CNTNAP3: variants seen among roughly 807,000 people sequenced by gnomAD.
CNTNAP3 encodes the protein contactin-associated protein-like 3.
Under a neutral mutation model 92.1 loss-of-function variants are expected in CNTNAP3, and 36 were observed. The ratio of observed to expected loss-of-function variants is 0.39; its 90% CI spans 0.30 to 0.52. The LOEUF is 0.52. Ranked by LOEUF, CNTNAP3 falls within the 20% of genes least tolerant of loss-of-function variation. CNTNAP3 has a pLI of 0.76. For synonymous variants in CNTNAP3, 232 were observed against 422.3 expected (o/e 0.55, Z 5.53); for missense variants, 534 against 1,069.6 (o/e 0.50, Z 6.98).
chr9:39,115,763 C>T (rs1374012289), intron 14 of CNTNAP3, among the ~76,000 whole-genome samples: 2 of 151,994 alleles, frequency 1.3e-5, no homozygotes, highest in East Asian at 3.8e-4. Context: ...AGTGACATGG[C>T]TAAGGGTATC....
intron 23 of CNTNAP3, among the ~76,000 whole-genome samples, chr9:39,077,066 C>G (rs554695700): frequency 1.3e-5 from 2 of 152,390 alleles, no homozygotes; most frequent in Non-Finnish European, 2.9e-5. Context: ...GTTTTCATTG[C>G]CAAAACATAT....
chr9:39,080,952 A>C lies in CNTNAP3; in HGVS notation c.3443-2032T>G, dbSNP rs1044668016. Reference sequence around the variant, plus strand: ...AGTGTCAGGATTACAGGCATGAGCCACTGCGCCCGGCCAGACTTCTCTTTA... The same window carrying C: ...AGTGTCAGGATTACAGGCATGAGCCCCTGCGCCCGGCCAGACTTCTCTTTA... On this transcript the variant is annotated intron_variant, in intron 21 of 23. Coordinates refer to ENST00000297668, the MANE Select transcript of CNTNAP3 (RefSeq NM_033655.5). 6.4e-5 allele frequency among the ~76,000 whole-genome samples: 9 copies of C among 141,502 alleles called. 1 individual carries two copies. The Middle Eastern group carries it at 0.014, about 225-fold the overall frequency. 92.8% of individuals were successfully genotyped at this position (141,502 alleles called of 152,430 possible).
chr9:39,116,464 TCACATTATCATACCAGA>T (rs1291355041), intron 14 of CNTNAP3, among the ~76,000 whole-genome samples: 1 of 152,114 alleles, frequency 6.6e-6, no homozygotes, highest in Non-Finnish European at 1.5e-5. Flanking sequence ...ACACACATCA[TCACATTATCATACCAGA>T]CACTTTAAAA....
rs1384116728 is a variant in CNTNAP3, at chr9:39,078,430, C to G, written c.3700G>C (p.Glu1234Gln). Reference protein sequence around the residue: ...AGRSGPADEGEPLVNADRRDS... With the variant: ...AGRSGPADEGQPLVNADRRDS... Reference sequence around the variant, plus strand: ...CTTCTGTCTGCATTAACCAAGGGCTCTCCCTCATCCGCTGGTCCAGAACGA... The same window carrying G: ...CTTCTGTCTGCATTAACCAAGGGCTGTCCCTCATCCGCTGGTCCAGAACGA... The change falls in exon 23 of 24, where the codon GAG (glutamate) becomes CAG (glutamine). Residue 1234 changes from glutamate to glutamine, a missense_variant. Transcript: ENST00000297668. 1 of 1,612,134 alleles carries G rather than the reference C, an allele frequency of 6.2e-7. No individual in the cohort carries two copies. The highest frequency in any genetic ancestry group is 8.5e-7 in the Non-Finnish European group (1 of 1,179,880).
At chr9:39,214,135 T>C (rs1196062673) in intron 3 of CNTNAP3, among the ~76,000 whole-genome samples, 2 of 66,204 alleles carry the variant, frequency 3.0e-5, no homozygotes, top group African/African-American at 6.2e-5. Context: ...AGTTTAAATA[T>C]AAAAAAAATT....
intron 14 of CNTNAP3, among the ~76,000 whole-genome samples, chr9:39,112,683 T>C (rs1228202602): frequency 6.6e-6 from 1 of 152,106 alleles, no homozygotes. Flanking sequence ...ATGATTATTT[T>C]GGGGGAGTAG....
At position 39,082,662 on chromosome 9, in the gene CNTNAP3, T is replaced by C. The variant is rs1825973993; in HGVS notation, c.3442+3074A>G. ...AAGGCTATAATTGAAGCAAGCAACA[T>C]TGAGGGATAAGGTCATGACCCCCTC... is the stretch of plus-strand genomic sequence containing the variant. On this transcript the variant is annotated intron_variant, in intron 21 of 23. Transcript: ENST00000297668. Among the ~76,000 whole-genome samples, 3 of 152,410 alleles carry C rather than the reference T, an allele frequency of 2.0e-5. No individual in the cohort carries two copies. In the South Asian group the frequency reaches 6.2e-4, roughly 32 times the overall value.
chr9:39,104,106 A>G (rs3119736), intron 15 of CNTNAP3, among the ~76,000 whole-genome samples, 192 bp from the exon 16 acceptor site: 14 of 152,104 alleles, frequency 9.2e-5, no homozygotes, highest in Non-Finnish European at 1.3e-4. Flanking sequence ...GGTGAGGATT[A>G]GAATTCTGTG....
At chr9:39,091,148 C>T (rs1254691697) in intron 18 of CNTNAP3, among the ~76,000 whole-genome samples, 4 of 147,662 alleles carry the variant, frequency 2.7e-5, no homozygotes, top group African/African-American at 9.9e-5. Context: ...TATTTCCTTT[C>T]TAATTTGGAT....
At chr9:39,271,921 G>GT (rs1173998046) in intron 1 of CNTNAP3, among the ~76,000 whole-genome samples, 795 of 11,830 alleles carry the variant, frequency 0.067, 296 homozygotes, top group African/African-American at 0.13. Flanking sequence ...AGTTTACATA[G>GT]TTTTTTTTTT....
At chr9:39,153,918 T>C (rs1279357730) in intron 9 of CNTNAP3, among the ~76,000 whole-genome samples, 1 of 147,294 alleles carries the variant, frequency 6.8e-6, no homozygotes, top group Non-Finnish European at 1.5e-5. Flanking sequence ...CCAGTGATTG[T>C]TCCAAGTCTC....
intron 18 of CNTNAP3, among the ~76,000 whole-genome samples, chr9:39,092,276 T>C (rs1483980250): frequency 6.9e-6 from 1 of 145,264 alleles, no homozygotes; most frequent in Admixed American, 6.8e-5. Flanking sequence ...TTATTTCCTG[T>C]TTCTCCTTAC....
intron 18 of CNTNAP3, among the ~76,000 whole-genome samples, chr9:39,096,537 A>C (rs374882381): frequency 0.016 from 2,464 of 151,768 alleles, 39 homozygotes; most frequent in South Asian, 0.093. Context: ...TTAAACATTT[A>C]TCATTTCTTT....
At chr9:39,098,720 AC>A (rs1342226431) in intron 18 of CNTNAP3, among the ~76,000 whole-genome samples, 2 of 152,126 alleles carry the variant, frequency 1.3e-5, no homozygotes, top group Non-Finnish European at 2.9e-5. Flanking sequence ...CACATGCAAG[AC>A]CTTTTGAAAA....
chr9:39,092,696 T>C (rs1826233136), intron 18 of CNTNAP3, among the ~76,000 whole-genome samples: 1 of 136,816 alleles, frequency 7.3e-6, no homozygotes, highest in Admixed American at 7.1e-5. Context: ...CATTCTGCTA[T>C]TGTTAAGTGG....
At chr9:39,082,103 G>A (rs1380684012) in intron 21 of CNTNAP3, among the ~76,000 whole-genome samples, 14 of 140,152 alleles carry the variant, frequency 1.0e-4, no homozygotes, top group South Asian at 4.7e-4. Context: ...AAAAAACAAA[G>A]AAACTCAAAT....
chr9:39,147,982 T>G (rs953080838), intron 10 of CNTNAP3, among the ~76,000 whole-genome samples: 1 of 152,172 alleles, frequency 6.6e-6, no homozygotes, highest in African/African-American at 2.4e-5. Flanking sequence ...ACAGTTGAGC[T>G]GACAGCTCTT....
At position 39,091,171 on chromosome 9, in the gene CNTNAP3, C is replaced by CTTT. The variant is rs201329360; in HGVS notation, c.2996-2527_2996-2525dup. The stretch of plus-strand genomic sequence containing the variant: ...TTCTAATTTGGATGTTTTTCTTCTT[C>CTTT]TTTTTTTTTTTTTTTCATTTTCTTG... On this transcript the variant is annotated intron_variant, in intron 18 of 23. Coordinates refer to ENST00000297668, the MANE Select transcript of CNTNAP3 (RefSeq NM_033655.5). Among the ~76,000 whole-genome samples the CTTT allele has an allele frequency of 9.7e-3, 1,246 of 128,490 alleles. 9 individuals are homozygous for CTTT. Among genetic ancestry groups the CTTT allele is most frequent in the African/African-American group, 0.033 (1,184 of 35,352 alleles). The allele number at this position is 128,490 out of a possible 152,430, so 84.3% of individuals were successfully genotyped here.
At chr9:39,100,922 G>A (rs1195912560) in intron 17 of CNTNAP3, among the ~76,000 whole-genome samples, 2 of 150,592 alleles carry the variant, frequency 1.3e-5, no homozygotes, top group Non-Finnish European at 3.0e-5. Context: ...TCCTCCCAGA[G>A]ATTCCAATTC....
Sources: gnomAD v4.1 joint callset for allele counts (sites outside exome capture counted in the v4.1 genomes callset) on GRCh38, gnomAD v4.1.1 for gene constraint, MANE v1.5 for transcripts, NCBI Gene and HGNC (gene_info 2026-07-23, HGNC 2026-07-21) for gene names.